USP10: variants seen among roughly 807,000 people sequenced by gnomAD.
The protein encoded by USP10 is ubiquitin carboxyl-terminal hydrolase 10.
Under a neutral mutation model 84.5 loss-of-function variants are expected in USP10, and 22 were observed. The observed-to-expected ratio is 0.26, with a 90% CI of 0.19 to 0.37. The LOEUF (loss-of-function observed/expected upper bound fraction) is 0.37. Ranked by LOEUF, USP10 falls within the 10% of genes least tolerant of loss-of-function variation. USP10 has a pLI of 1.00. For missense variants in USP10, 1,019 were observed against 998.9 expected (o/e 1.02, Z -0.27); for synonymous variants, 454 against 387.6 (o/e 1.17, Z -2.01).
intron 4 of USP10, among the ~76,000 whole-genome samples, chr16:84,755,514 C>G (rs1160734272): frequency 6.6e-6 from 1 of 152,082 alleles, no homozygotes; most frequent in Non-Finnish European, 1.5e-5. Flanking sequence ...GCCCTGCACT[C>G]TGGGGACCTG....
intron 13 of USP10, 60 bp from the exon 14 acceptor site, chr16:84,778,835 C>T (rs1462904786): frequency 6.6e-7 from 1 of 1,521,314 alleles, no homozygotes; most frequent in African/African-American, 1.4e-5. Context: ...TCGGCGGAGA[C>T]CTGTAATGAT....
chr16:84,733,819 C>T, intron 2 of USP10, among the ~76,000 whole-genome samples: 1 of 152,210 alleles, frequency 6.6e-6, no homozygotes, highest in East Asian at 1.9e-4. Flanking sequence ...GACTGGTTTT[C>T]ACCTTTTATC....
chr16:84,762,160 A>G (rs1913282260), intron 8 of USP10, among the ~76,000 whole-genome samples: 1 of 152,246 alleles, frequency 6.6e-6, no homozygotes. Flanking sequence ...TTGCTGATGT[A>G]TGTGTAACAC....
At chr16:84,746,249 A>C (rs974301825) in intron 4 of USP10, among the ~76,000 whole-genome samples, 3 of 152,270 alleles carry the variant, frequency 2.0e-5, no homozygotes, top group African/African-American at 7.2e-5. Context: ...TTCACAATAA[A>C]AATAGAAAGC....
chr16:84,761,531 T>C (rs1442128751), intron 8 of USP10, among the ~76,000 whole-genome samples: 2 of 152,178 alleles, frequency 1.3e-5, no homozygotes, highest in Non-Finnish European at 2.9e-5. Context: ...CCTCTCCCAG[T>C]GGGGCCACAA....
intron 1 of USP10, among the ~76,000 whole-genome samples, chr16:84,718,514 T>C (rs1907349738): frequency 6.6e-6 from 1 of 152,132 alleles, no homozygotes; most frequent in Non-Finnish European, 1.5e-5. Context: ...ATCCCAGCAC[T>C]TTGGGAGGCC....
intron 13 of USP10, among the ~76,000 whole-genome samples, chr16:84,776,818 C>G (rs1188410232): frequency 7.2e-5 from 11 of 152,108 alleles, no homozygotes; most frequent in Non-Finnish European, 1.3e-4. Flanking sequence ...ATCCCCTAAC[C>G]CATTATTTTT....
At chr16:84,751,363 C>A (rs986795936) in intron 4 of USP10, among the ~76,000 whole-genome samples, 2 of 152,192 alleles carry the variant, frequency 1.3e-5, no homozygotes, top group African/African-American at 4.8e-5. Context: ...ATAAATCATG[C>A]ATATATTTCC....
chr16:84,774,382 A>G (rs901454562), intron 12 of USP10, among the ~76,000 whole-genome samples: 2 of 152,182 alleles, frequency 1.3e-5, no homozygotes, highest in African/African-American at 2.4e-5. Flanking sequence ...GCGCACAGTA[A>G]GAGCAGGGAG....
At chr16:84,755,602 C>A (rs373087834) in intron 4 of USP10, among the ~76,000 whole-genome samples, 29 of 152,220 alleles carry the variant, frequency 1.9e-4, no homozygotes, top group African/African-American at 7.0e-4. Context: ...CGCCACTGCA[C>A]TCCAGCCTGG....
chr16:84,749,370 A>G (rs181622401), intron 4 of USP10, among the ~76,000 whole-genome samples: 31 of 152,284 alleles, frequency 2.0e-4, no homozygotes, highest in African/African-American at 7.2e-4. Flanking sequence ...ATAGAGTTTG[A>G]CTTGCATTAG....
At chr16:84,704,161 TTTTG>T (rs979795583) in intron 1 of USP10, among the ~76,000 whole-genome samples, 54 of 152,302 alleles carry the variant, frequency 3.5e-4, no homozygotes, top group African/African-American at 4.3e-4. Context: ...TGTTTCGGTT[TTTTG>T]TTTGTTTGTT....
At chr16:84,707,033 G>A (rs1050474012) in intron 1 of USP10, among the ~76,000 whole-genome samples, 10 of 152,196 alleles carry the variant, frequency 6.6e-5, no homozygotes, top group African/African-American at 2.4e-4. Context: ...ACTCTGTCCT[G>A]TATTATTATA....
Position 84,753,547 on chromosome 16 carries a change from C to G in USP10, c.1193-5169C>G, listed in dbSNP as rs554193227. On this transcript the variant is annotated intron_variant, in intron 4 of 13. Transcript: ENST00000219473. ...AGCTGAGCGTGGTGCAGCTCCTTAC[C>G]TGTTCCAGGTGCGGAGTGATCTGCC... Among the ~76,000 whole-genome samples, 3 of 152,284 alleles carry G rather than the reference C, an allele frequency of 2.0e-5. No individual in the cohort carries two copies. The South Asian group carries it at 6.2e-4, about 32-fold the overall frequency.
intron 1 of USP10, among the ~76,000 whole-genome samples, chr16:84,729,760 A>C (rs186517065): frequency 5.9e-4 from 90 of 152,266 alleles, no homozygotes; most frequent in Admixed American, 2.0e-4. Context: ...ATTTTGATGG[A>C]GTTGTTTTTT....
chr16:84,707,928 A>C (rs1017480110), intron 1 of USP10, among the ~76,000 whole-genome samples: 6 of 152,184 alleles, frequency 3.9e-5, no homozygotes, highest in Non-Finnish European at 1.5e-5. Flanking sequence ...AAATACAAAA[A>C]TTCACTGGGC....
intron 3 of USP10, among the ~76,000 whole-genome samples, chr16:84,741,313 A>G (rs1910592353): frequency 6.6e-6 from 1 of 152,218 alleles, no homozygotes; most frequent in Non-Finnish European, 1.5e-5. Context: ...GACAAGTAAT[A>G]AAATGAATGA....
At chr16:84,747,723 C>G (rs1313157431) in intron 4 of USP10, among the ~76,000 whole-genome samples, 2 of 151,968 alleles carry the variant, frequency 1.3e-5, no homozygotes, top group Non-Finnish European at 2.9e-5. Context: ...GCCACAATGT[C>G]TGGCTATCTT....
rs1281956216 is a variant in USP10 at position 84,701,867 on chromosome 16, A to AAATGCT, written c.21+1757_21+1762dup. Among the ~76,000 whole-genome samples the AAATGCT allele has an allele frequency of 1.1e-4, 16 of 152,036 alleles. No individual in the cohort carries two copies. The South Asian group carries it at 1.9e-3, about 18-fold the overall frequency. ...GGTTTATTCTTTTAAAGTATGATTTAAATGCTTTTAAGTTTTAGCATGGAG... is the reference window on the plus strand; with the variant it reads ...GGTTTATTCTTTTAAAGTATGATTTAAATGCTAATGCTTTTAAGTTTTAGCATGGAG... On this transcript the variant is annotated intron_variant, in intron 1 of 13. Coordinates refer to ENST00000219473, the MANE Select transcript of USP10 (RefSeq NM_005153.3).
Sources: gnomAD v4.1 joint callset for allele counts (sites outside exome capture counted in the v4.1 genomes callset) on GRCh38, gnomAD v4.1.1 for gene constraint, MANE v1.5 for transcripts, NCBI Gene and HGNC (gene_info 2026-07-23, HGNC 2026-07-21) for gene names.